Variants in ADAMTS19 observed in about 807,000 individuals in gnomAD.
ADAMTS19 encodes ADAM metallopeptidase with thrombospondin type 1 motif 19.
Under a neutral mutation model 153.3 loss-of-function variants are expected in ADAMTS19, and 93 were observed. The observed-to-expected ratio is 0.61, with a 90% CI of 0.51 to 0.72. ADAMTS19 has a LOEUF of 0.72. Among genes scored for constraint, ADAMTS19 ranks in the 30% least tolerant of loss-of-function variants. The pLI is 0.00. For synonymous variants in ADAMTS19, 600 were observed against 556.6 expected (o/e 1.08, Z -1.10); for missense variants, 1,482 against 1,552.1 (o/e 0.95, Z 0.76).
At chr5:129,575,098 C>A (rs540408870) in intron 7 of ADAMTS19, among the ~76,000 whole-genome samples, 135 of 151,930 alleles carry the variant, frequency 8.9e-4, no homozygotes, top group African/African-American at 3.2e-3. Context: ...TATATTTCTG[C>A]AGTTTATAGA....
intron 21 of ADAMTS19, among the ~76,000 whole-genome samples, chr5:129,719,693 T>C (rs1330517490): frequency 6.6e-6 from 1 of 152,204 alleles, no homozygotes; most frequent in Non-Finnish European, 1.5e-5. Context: ...CAAAACGATA[T>C]GATTAAAGTA....
rs544555191 is a variant in ADAMTS19 at position 129,613,448 on chromosome 5, C to T, written c.1479-7170C>T. Reference sequence around the variant, plus strand: ...TCCTGAATGACTACTGGGTACATAACGAAATGAAGGCAGAAATAAAGATGT... The same window carrying T: ...TCCTGAATGACTACTGGGTACATAATGAAATGAAGGCAGAAATAAAGATGT... On this transcript the variant is annotated intron_variant, in intron 8 of 22. Coordinates refer to ENST00000274487, the MANE Select transcript of ADAMTS19 (RefSeq NM_133638.6). Among the ~76,000 whole-genome samples the T allele has an allele frequency of 7.2e-5, 11 of 151,990 alleles. No individual in the cohort carries two copies. In the South Asian group the frequency reaches 1.0e-3, roughly 14 times the overall value.
At chr5:129,483,013 C>G (rs1215561417) in intron 2 of ADAMTS19, among the ~76,000 whole-genome samples, 1 of 152,076 alleles carries the variant, frequency 6.6e-6, no homozygotes, top group East Asian at 1.9e-4. Context: ...TGTTCCATAA[C>G]TTTTTTACTT....
chr5:129,511,660 T>C (rs1751441389), intron 3 of ADAMTS19, among the ~76,000 whole-genome samples: 1 of 150,872 alleles, frequency 6.6e-6, no homozygotes, highest in Non-Finnish European at 1.5e-5. Context: ...CAATTGAGTC[T>C]CAAAGATCAG....
chr5:129,645,183 A>AT (rs1455086287), intron 11 of ADAMTS19, among the ~76,000 whole-genome samples: 1 of 152,192 alleles, frequency 6.6e-6, no homozygotes, highest in African/African-American at 2.4e-5. Context: ...ACTTTTATAA[A>AT]TCAGATTGAA....
intron 17 of ADAMTS19, among the ~76,000 whole-genome samples, chr5:129,680,143 A>AG (rs1377583175): frequency 3.9e-5 from 6 of 152,234 alleles, no homozygotes; most frequent in African/African-American, 1.4e-4. Flanking sequence ...GGGAATTTAC[A>AG]GATGCAAAGT....
intron 21 of ADAMTS19, among the ~76,000 whole-genome samples, chr5:129,714,294 C>CTACA (rs1436499820): frequency 3.3e-5 from 5 of 150,668 alleles, no homozygotes; most frequent in African/African-American, 1.2e-4. Context: ...TGGCGGGCGC[C>CTACA]TGTAGTCCCA....
intron 2 of ADAMTS19, among the ~76,000 whole-genome samples, chr5:129,504,297 A>G (rs1332649428): frequency 1.3e-5 from 2 of 152,152 alleles, no homozygotes; most frequent in Admixed American, 6.6e-5. Flanking sequence ...ATAATGATCT[A>G]TCACCTTTCA....
intron 8 of ADAMTS19, among the ~76,000 whole-genome samples, chr5:129,611,122 G>A (rs1434576404): frequency 1.3e-5 from 2 of 151,980 alleles, no homozygotes. Context: ...TTCACCCACT[G>A]GTTGATGGGG....
At position 129,562,565 on chromosome 5, in the gene ADAMTS19, CT is replaced by C. The variant is rs1002245732; in HGVS notation, c.1372+10661del. Among the ~76,000 whole-genome samples the C allele has an allele frequency of 2.3e-4, 35 of 152,170 alleles. 1 individual carries two copies. Among genetic ancestry groups the C allele is most frequent in the Admixed American group, 2.0e-3 (30 of 15,274 alleles). ...GAATCCCAGGTTTCTGCATAACCCT[CT>C]TTGAGCAATTCTGCCATAAGCTGAG... is the stretch of plus-strand genomic sequence containing the variant. On this transcript the variant is annotated intron_variant, in intron 7 of 22. Transcript: ENST00000274487.
At chr5:129,686,584 A>G (rs1011976408) in intron 18 of ADAMTS19, among the ~76,000 whole-genome samples, 2 of 152,066 alleles carry the variant, frequency 1.3e-5, no homozygotes, top group Non-Finnish European at 2.9e-5. Flanking sequence ...GATCAAAACA[A>G]TGGTCACCCC....
chr5:129,627,071 C>A (rs1302361285), intron 10 of ADAMTS19, among the ~76,000 whole-genome samples: 1 of 151,856 alleles, frequency 6.6e-6, no homozygotes, highest in Non-Finnish European at 1.5e-5. Context: ...TCGTGAGATG[C>A]CCATTACACA....
chr5:129,586,968 C>A (rs992778424), intron 7 of ADAMTS19, among the ~76,000 whole-genome samples: 1 of 152,150 alleles, frequency 6.6e-6, no homozygotes, highest in Non-Finnish European at 1.5e-5. Flanking sequence ...TAGAAGAATG[C>A]AACACCTGTG....
intron 2 of ADAMTS19, among the ~76,000 whole-genome samples, chr5:129,465,706 A>G (rs770618120): frequency 1.6e-4 from 24 of 152,352 alleles, no homozygotes; most frequent in Middle Eastern, 3.4e-3. Flanking sequence ...AGAGAAATAA[A>G]CACATAACGA....
intron 8 of ADAMTS19, among the ~76,000 whole-genome samples, chr5:129,618,583 AG>A (rs1433038117): frequency 6.6e-6 from 1 of 151,964 alleles, no homozygotes; most frequent in Non-Finnish European, 1.5e-5. Context: ...ATAGTTTGGT[AG>A]TTTTTAAAAA....
At chr5:129,507,096 T>C (rs1285398830) in intron 2 of ADAMTS19, among the ~76,000 whole-genome samples, 1 of 151,930 alleles carries the variant, frequency 6.6e-6, no homozygotes, top group Non-Finnish European at 1.5e-5. Flanking sequence ...AACCTAACCA[T>C]GTTTATAACC....
At chr5:129,723,660 T>C (rs987616073) in intron 21 of ADAMTS19, among the ~76,000 whole-genome samples, 2 of 152,196 alleles carry the variant, frequency 1.3e-5, no homozygotes, top group African/African-American at 4.8e-5. Flanking sequence ...AAAAGATTTA[T>C]TTCATTATAA....
intron 9 of ADAMTS19, among the ~76,000 whole-genome samples, chr5:129,621,177 T>C (rs1372420044): frequency 6.6e-6 from 1 of 152,188 alleles, no homozygotes; most frequent in African/African-American, 2.4e-5. Flanking sequence ...TGTTTTTTCA[T>C]TAATAAATAG....
intron 7 of ADAMTS19, among the ~76,000 whole-genome samples, chr5:129,586,237 G>A (rs1226178179): frequency 6.6e-6 from 1 of 152,094 alleles, no homozygotes; most frequent in Admixed American, 6.5e-5. Flanking sequence ...TAAATTCTAT[G>A]GGTTTAGACA....
Sources: gnomAD v4.1 joint callset for allele counts (sites outside exome capture counted in the v4.1 genomes callset) on GRCh38, gnomAD v4.1.1 for gene constraint, MANE v1.5 for transcripts, NCBI Gene and HGNC (gene_info 2026-07-23, HGNC 2026-07-21) for gene names.